Variants in LRRC37A2 observed in about 807,000 individuals in gnomAD.
LRRC37A2 encodes leucine rich repeat containing 37 member A2.
In LRRC37A2, 9 loss-of-function variants were observed where a neutral mutation model predicts 68.8. The observed-to-expected ratio is 0.13, with a 90% CI of 0.08 to 0.23. LRRC37A2 has a LOEUF of 0.23. Ranked by LOEUF, LRRC37A2 falls within the 10% of genes least tolerant of loss-of-function variation. The pLI is 1.00. For missense variants in LRRC37A2, 168 were observed against 950.4 expected (o/e 0.18, Z 10.82); for synonymous variants, 63 against 367.6 (o/e 0.17, Z 9.48).
At chr17:46,850,775 C>T in the LRRC37A2 span, among the ~76,000 whole-genome samples, 1 of 152,216 alleles carries the variant, frequency 6.6e-6, no homozygotes, top group Non-Finnish European at 1.5e-5. Context: ...GGGCCCAACA[C>T]TTGAAGTTCC....
At chr17:46,905,346 G>T in the LRRC37A2 span, among the ~76,000 whole-genome samples, 1 of 152,146 alleles carries the variant, frequency 6.6e-6, no homozygotes, top group Non-Finnish European at 1.5e-5. Flanking sequence ...AAAGTGCTGG[G>T]ATTACAGATG....
chr17:46,920,129 G>A, the LRRC37A2 span, among the ~76,000 whole-genome samples: 1 of 152,052 alleles, frequency 6.6e-6, no homozygotes, highest in Non-Finnish European at 1.5e-5. Flanking sequence ...TCTCTACCAG[G>A]CAGACACAAT....
the LRRC37A2 span, among the ~76,000 whole-genome samples, chr17:46,575,011 G>A: frequency 2.7e-5 from 2 of 74,618 alleles, no homozygotes; most frequent in African/African-American, 8.7e-5. Context: ...CATGAGAATC[G>A]CCTGAACCCA....
At chr17:46,899,627 G>C in the LRRC37A2 span, among the ~76,000 whole-genome samples, 142 of 152,274 alleles carry the variant, frequency 9.3e-4, 1 homozygote, top group Middle Eastern at 6.8e-3. Context: ...GAGGGAATGG[G>C]AGTGATTGCT....
chr17:46,816,971 C>A, the LRRC37A2 span, among the ~76,000 whole-genome samples: 1 of 152,224 alleles, frequency 6.6e-6, no homozygotes, highest in Admixed American at 6.5e-5. Context: ...GCCCTGGCCA[C>A]CCCATGGACT....
chr17:46,499,612 G>A, the LRRC37A2 span, among the ~76,000 whole-genome samples: 1 of 113,966 alleles, frequency 8.8e-6, no homozygotes, highest in Non-Finnish European at 1.6e-5. Context: ...AGCCAGGGGG[G>A]CATGAGTAAT....
chr17:46,870,408 G>A, the LRRC37A2 span, among the ~76,000 whole-genome samples: 1 of 152,214 alleles, frequency 6.6e-6, no homozygotes, highest in Non-Finnish European at 1.5e-5. Flanking sequence ...CCAGGCTGCA[G>A]GGAGGGGTTT....
chr17:46,840,314 C>T, the LRRC37A2 span, among the ~76,000 whole-genome samples: 13 of 152,248 alleles, frequency 8.5e-5, no homozygotes, highest in East Asian at 2.5e-3. Context: ...TCTCGATCTC[C>T]TGACCTCATG....
the LRRC37A2 span, chr17:46,728,808 T>C: frequency 4.7e-6 from 6 of 1,290,136 alleles, no homozygotes; most frequent in Admixed American, 8.6e-5. Context: ...GTTTGGAATA[T>C]GTACATGTGT....
the LRRC37A2 span, among the ~76,000 whole-genome samples, chr17:46,757,879 A>G: frequency 6.6e-6 from 1 of 152,128 alleles, no homozygotes; most frequent in Non-Finnish European, 1.5e-5. Context: ...CTATAATCCC[A>G]GCTACTCAGG....
the LRRC37A2 span, chr17:47,019,383 C>G: frequency 6.2e-7 from 1 of 1,610,940 alleles, no homozygotes; most frequent in East Asian, 2.2e-5. Flanking sequence ...AACTACAATA[C>G]CTACTACAGA....
the LRRC37A2 span, among the ~76,000 whole-genome samples, chr17:46,836,111 T>TGTGTGTGTGTGTGTGC: frequency 4.0e-5 from 6 of 150,914 alleles, no homozygotes; most frequent in Non-Finnish European, 7.4e-5. Context: ...TGTGTGTGTG[T>TGTGTGTGTGTGTGTGC]GTGTGTGTGT....
At chr17:46,916,521 C>T in the LRRC37A2 span, among the ~76,000 whole-genome samples, 12 of 152,134 alleles carry the variant, frequency 7.9e-5, no homozygotes, top group African/African-American at 1.2e-4. Context: ...AAACTCTGAT[C>T]GGCGAAATTT....
At chr17:46,966,452 A>C in the LRRC37A2 span, 7 of 601,942 alleles carry the variant, frequency 1.2e-5, no homozygotes, top group Admixed American at 2.5e-5. Flanking sequence ...GGCTTAAGCA[A>C]TCCTCCCATC....
At chr17:47,003,217 G>A in the LRRC37A2 span, among the ~76,000 whole-genome samples, 1 of 133,006 alleles carries the variant, frequency 7.5e-6, no homozygotes, top group African/African-American at 2.9e-5. Flanking sequence ...TGGTGCCACT[G>A]CACTCCAGCC....
At chr17:46,825,834 G>A in the LRRC37A2 span, among the ~76,000 whole-genome samples, 20 of 152,320 alleles carry the variant, frequency 1.3e-4, no homozygotes, top group Middle Eastern at 3.4e-3. Flanking sequence ...AACCAGCCTG[G>A]CCAATGTGGC....
chr17:46,771,765 G>GCCGCGCCGCGCCCCCCGCCC, the LRRC37A2 span, among the ~76,000 whole-genome samples: 7 of 572 alleles, frequency 0.012, no homozygotes, highest in Non-Finnish European at 0.037. Context: ...CCGCCCCCGC[G>GCCGCGCCGCGCCCCCCGCCC]CCGCGCCGCG....
the LRRC37A2 span, among the ~76,000 whole-genome samples, chr17:46,562,149 C>A: frequency 1.0e-4 from 1 of 9,634 alleles, no homozygotes; most frequent in Non-Finnish European, 1.1e-3. Context: ...GGCCCTGTCT[C>A]AAAAAATAAA....
the LRRC37A2 span, among the ~76,000 whole-genome samples, chr17:46,942,571 GCAT>G: frequency 6.6e-6 from 1 of 152,220 alleles, no homozygotes; most frequent in Non-Finnish European, 1.5e-5. Flanking sequence ...CAGCCTGCTG[GCAT>G]GGACTATAGA....
Sources: gnomAD v4.1 joint callset for allele counts (sites outside exome capture counted in the v4.1 genomes callset) on GRCh38, gnomAD v4.1.1 for gene constraint, MANE v1.5 for transcripts, NCBI Gene and HGNC (gene_info 2026-07-23, HGNC 2026-07-21) for gene names.